PDE3B: variants seen among roughly 807,000 people sequenced by gnomAD.
PDE3B encodes the protein cGMP-inhibited 3',5'-cyclic phosphodiesterase 3B.
A neutral mutation model predicts 116.8 loss-of-function variants in PDE3B; 66 were observed. The ratio of observed to expected loss-of-function variants is 0.56; its 90% CI spans 0.46 to 0.69. PDE3B has a LOEUF of 0.69. PDE3B is among the 30% of genes least tolerant of loss of function. PDE3B has a pLI of 0.00. For synonymous variants in PDE3B, 595 were observed against 533.6 expected, an observed-to-expected ratio of 1.12 and a Z score of -1.59; for missense variants, 1,384 against 1,368.1, an observed-to-expected ratio of 1.01 and a Z score of -0.18.
chr11:14,768,326 C>T (rs182567292), intron 1 of PDE3B, among the ~76,000 whole-genome samples: 1 of 151,620 alleles, frequency 6.6e-6, no homozygotes, highest in Admixed American at 6.6e-5. Flanking sequence ...TTGAAGTTCC[C>T]TGTATGTCAC....
chr11:14,841,343 C>A (rs1423010953), intron 11 of PDE3B, among the ~76,000 whole-genome samples: 7 of 146,516 alleles, frequency 4.8e-5, no homozygotes, highest in South Asian at 2.1e-4. Context: ...CTCTCTCTCT[C>A]TCTCTATATA....
intron 1 of PDE3B, among the ~76,000 whole-genome samples, chr11:14,665,212 C>T (rs1054623996): frequency 4.6e-5 from 7 of 152,162 alleles, no homozygotes; most frequent in African/African-American, 1.7e-4. Flanking sequence ...TGACAAAATT[C>T]AACAACCCTT....
At chr11:14,742,184 T>G (rs564601818) in intron 1 of PDE3B, among the ~76,000 whole-genome samples, 1 of 152,366 alleles carries the variant, frequency 6.6e-6, no homozygotes, top group African/African-American at 2.4e-5. Context: ...TGAAGAGTGT[T>G]TTCCAACTTG....
intron 1 of PDE3B, among the ~76,000 whole-genome samples, chr11:14,764,825 G>A (rs1590125457): frequency 6.6e-6 from 1 of 151,854 alleles, no homozygotes; most frequent in African/African-American, 2.4e-5. Context: ...AATAGTAAAT[G>A]ACATCAGTTT....
chr11:14,654,786 CTACACA>C (rs1853661331), intron 1 of PDE3B, among the ~76,000 whole-genome samples: 1 of 117,496 alleles, frequency 8.5e-6, no homozygotes, highest in Admixed American at 9.4e-5. Context: ...CAGCAGCTGT[CTACACA>C]CACACACACA....
intron 12 of PDE3B, among the ~76,000 whole-genome samples, chr11:14,848,290 C>T (rs1480188855): frequency 2.2e-5 from 3 of 138,114 alleles, no homozygotes; most frequent in Non-Finnish European, 3.1e-5. Flanking sequence ...ATTCAACAAC[C>T]CTTCATGCTA....
chr11:14,882,919 A>G, the PDE3B span, among the ~76,000 whole-genome samples: 1 of 152,194 alleles, frequency 6.6e-6, no homozygotes, highest in African/African-American at 2.4e-5. Context: ...ATCATGAGTG[A>G]ACTCCCATTC....
chr11:14,702,734 G>C (rs1855403331), intron 1 of PDE3B, among the ~76,000 whole-genome samples: 1 of 151,906 alleles, frequency 6.6e-6, no homozygotes, highest in African/African-American at 2.4e-5. Context: ...TAGAACATTA[G>C]ACAGTGCAGA....
At chr11:14,665,217 A>T (rs1854091414) in intron 1 of PDE3B, among the ~76,000 whole-genome samples, 1 of 152,150 alleles carries the variant, frequency 6.6e-6, no homozygotes, top group African/African-American at 2.4e-5. Flanking sequence ...AAATTCAACA[A>T]CCCTTCATGC....
At chr11:14,791,249 T>C (rs182516506) in intron 4 of PDE3B, among the ~76,000 whole-genome samples, 1 of 152,222 alleles carries the variant, frequency 6.6e-6, no homozygotes, top group Admixed American at 6.6e-5. Context: ...ATTATAGTAC[T>C]CCAGAATCGA....
intron 1 of PDE3B, among the ~76,000 whole-genome samples, chr11:14,737,699 G>C (rs1278666663): frequency 1.3e-5 from 2 of 151,990 alleles, no homozygotes; most frequent in Non-Finnish European, 2.9e-5. Context: ...CATGTGCCAT[G>C]CTGGTGTGCT....
intron 1 of PDE3B, among the ~76,000 whole-genome samples, chr11:14,743,634 G>A (rs746881764): frequency 1.4e-4 from 22 of 152,308 alleles, no homozygotes; most frequent in African/African-American, 2.4e-4. Flanking sequence ...CAGCTAGCTC[G>A]GTGTCTGCCC....
chr11:14,702,850 C>G (rs1855409447), intron 1 of PDE3B, among the ~76,000 whole-genome samples: 1 of 151,770 alleles, frequency 6.6e-6, no homozygotes, highest in Admixed American at 6.6e-5. Context: ...GAAAACTGAC[C>G]TATTTATCTA....
chr11:14,819,866 AGT>A (rs1299962486), intron 7 of PDE3B, among the ~76,000 whole-genome samples: 1 of 152,168 alleles, frequency 6.6e-6, no homozygotes, highest in African/African-American at 2.4e-5. Context: ...CTATCAAAAG[AGT>A]GTATGCCAAT....
intron 1 of PDE3B, among the ~76,000 whole-genome samples, chr11:14,723,171 T>G (rs970925973): frequency 1.3e-5 from 2 of 152,198 alleles, no homozygotes; most frequent in African/African-American, 2.4e-5. Context: ...CAGAATTGTA[T>G]TGAGTACTTC....
intron 1 of PDE3B, among the ~76,000 whole-genome samples, chr11:14,717,851 A>G (rs1268531988): frequency 7.2e-6 from 1 of 138,824 alleles, no homozygotes; most frequent in Non-Finnish European, 1.6e-5. Flanking sequence ...ACTAGGAAGA[A>G]ACTGCATCAA....
chr11:14,856,592 C>T (rs1390731674), intron 12 of PDE3B, among the ~76,000 whole-genome samples: 4 of 152,048 alleles, frequency 2.6e-5, no homozygotes, highest in Admixed American at 2.0e-4. Flanking sequence ...TGGTGGCTCA[C>T]GCCTGTAATC....
chr11:14,885,695 A>G, the PDE3B span: 1 of 1,422,490 alleles, frequency 7.0e-7, no homozygotes, highest in Non-Finnish European at 9.9e-7. Context: ...AATAATCCCA[A>G]CTGTATGCAC....
intron 1 of PDE3B, among the ~76,000 whole-genome samples, chr11:14,756,780 C>T (rs1857191801): frequency 1.4e-5 from 2 of 147,518 alleles, no homozygotes; most frequent in Admixed American, 1.4e-4. Flanking sequence ...TACTGACACA[C>T]AAGATATCAT....
Sources: allele counts gnomAD v4.1 joint callset (sites outside exome capture counted in the v4.1 genomes callset), GRCh38; gene constraint gnomAD v4.1.1; transcripts MANE v1.5; gene names NCBI Gene and HGNC (gene_info 2026-07-23, HGNC 2026-07-21).